DLG2: variants seen among roughly 807,000 people sequenced by gnomAD.
DLG2 encodes the protein disks large homolog 2.
DLG2 carries 45 observed loss-of-function variants against 132.5 expected under a neutral mutation model. The observed-to-expected ratio is 0.34, with a 90% confidence interval of 0.27 to 0.44. DLG2 has a LOEUF of 0.44. DLG2 is among the 20% of genes least tolerant of loss of function. DLG2 has a pLI of 1.00. For missense variants in DLG2, 1,045 were observed against 1,196.9 expected (o/e 0.87, Z 1.87); for synonymous variants, 424 against 419.6 (o/e 1.01, Z -0.13).
intron 7 of DLG2, among the ~76,000 whole-genome samples, chr11:84,481,541 C>T (rs1270690041): frequency 6.6e-6 from 1 of 152,156 alleles, no homozygotes; most frequent in Admixed American, 6.5e-5. Context: ...CGTAGTATCA[C>T]ACATATAATT....
At chr11:84,680,961 C>T (rs1391480798) in intron 6 of DLG2, among the ~76,000 whole-genome samples, 1 of 152,156 alleles carries the variant, frequency 6.6e-6, no homozygotes, top group Non-Finnish European at 1.5e-5. Flanking sequence ...ATTTACTCAA[C>T]AAACATTTAT....
intron 7 of DLG2, among the ~76,000 whole-genome samples, chr11:84,410,637 T>C (rs1045065782): frequency 3.4e-5 from 5 of 145,230 alleles, no homozygotes; most frequent in African/African-American, 1.3e-4. Flanking sequence ...TGGAGTGCAA[T>C]GGTGTGATCT....
At chr11:84,473,056 T>C (rs1034262370) in intron 7 of DLG2, among the ~76,000 whole-genome samples, 9 of 151,924 alleles carry the variant, frequency 5.9e-5, no homozygotes. Context: ...TCTAATCTCC[T>C]TAATTTACAA....
intron 3 of DLG2, among the ~76,000 whole-genome samples, chr11:85,592,095 T>A (rs2079393518): frequency 6.6e-6 from 1 of 152,178 alleles, no homozygotes; most frequent in African/African-American, 2.4e-5. Flanking sequence ...AAAAATTTAG[T>A]CCTCCACTAT....
intron 14 of DLG2, among the ~76,000 whole-genome samples, chr11:83,947,474 G>A (rs928056765): frequency 6.6e-6 from 1 of 152,138 alleles, no homozygotes; most frequent in East Asian, 1.9e-4. Context: ...TAGGCTAGCT[G>A]TAAGAGTGTT....
At chr11:84,174,303 A>C (rs1226635605) in intron 8 of DLG2, among the ~76,000 whole-genome samples, 1 of 151,942 alleles carries the variant, frequency 6.6e-6, no homozygotes, top group Non-Finnish European at 1.5e-5. Context: ...TCTATTCTTC[A>C]TATCCTTTGA....
chr11:84,195,974 T>A (rs1486264040), intron 8 of DLG2, among the ~76,000 whole-genome samples: 2 of 152,194 alleles, frequency 1.3e-5, no homozygotes, highest in South Asian at 4.1e-4. Context: ...TGTATACATG[T>A]TGGATGAGGA....
At chr11:84,056,494 G>A (rs1469204130) in intron 11 of DLG2, among the ~76,000 whole-genome samples, 1 of 152,120 alleles carries the variant, frequency 6.6e-6, no homozygotes, top group Non-Finnish European at 1.5e-5. Flanking sequence ...TTGACTTCAA[G>A]TGCATCTCTC....
intron 18 of DLG2, among the ~76,000 whole-genome samples, chr11:83,779,080 A>C (rs2094703152): frequency 6.6e-6 from 1 of 152,164 alleles, no homozygotes; most frequent in African/African-American, 2.4e-5. Context: ...CTAATATTTC[A>C]GTACAAATTA....
At chr11:84,653,084 C>T (rs1565568102) in intron 6 of DLG2, among the ~76,000 whole-genome samples, 1 of 152,054 alleles carries the variant, frequency 6.6e-6, no homozygotes. Flanking sequence ...CATGCGTCAT[C>T]ACGCCCGGAT....
At chr11:83,923,614 G>A (rs1370517399) in intron 15 of DLG2, among the ~76,000 whole-genome samples, 1 of 152,044 alleles carries the variant, frequency 6.6e-6, no homozygotes, top group East Asian at 1.9e-4. Flanking sequence ...CAGGGGCAAA[G>A]AATCACCCTC....
chr11:84,360,670 G>C (rs1238387630), intron 7 of DLG2, among the ~76,000 whole-genome samples: 1 of 151,856 alleles, frequency 6.6e-6, no homozygotes, highest in African/African-American at 2.4e-5. Flanking sequence ...GGTAGAATTT[G>C]TGGTCAGAAT....
At position 84,059,433 on chromosome 11, in the gene DLG2, G is replaced by T; in HGVS notation, c.801C>A (p.Ser267=). 6.2e-7 allele frequency: 1 copy of T among 1,612,772 alleles called. No individual in the cohort carries two copies. The highest frequency in any genetic ancestry group is 1.1e-5 in the South Asian group (1 of 90,828). ...TCAGGGCTTCCACCGCTTTACTGTG[G>T]GAAACCTCTGACACATCAACCTCAT... ...RVNEVDVSEV[S]HSKAVEALKE... The change falls in exon 11 of 28, where the codon TCC becomes TCA. Residue 267 remains serine, a synonymous_variant. Transcript: ENST00000376104.
At chr11:83,685,158 A>G (rs1014928932) in intron 18 of DLG2, among the ~76,000 whole-genome samples, 2 of 152,192 alleles carry the variant, frequency 1.3e-5, no homozygotes, top group African/African-American at 2.4e-5. Context: ...TAGAAAGGTT[A>G]GGTAACTTAC....
chr11:85,527,091 T>C (rs747975484), intron 3 of DLG2, among the ~76,000 whole-genome samples: 2 of 152,106 alleles, frequency 1.3e-5, no homozygotes, highest in Non-Finnish European at 1.5e-5. Context: ...ACAAAGAAGA[T>C]GTTCAAATTA....
chr11:84,915,733 A>G (rs969512429), intron 6 of DLG2, among the ~76,000 whole-genome samples: 1 of 152,206 alleles, frequency 6.6e-6, no homozygotes, highest in African/African-American at 2.4e-5. Context: ...TTGTGCATCT[A>G]TTCTTATTTG....
chr11:84,863,297 T>C lies in DLG2; in HGVS notation c.357+248364A>G, dbSNP rs553282651. Among the ~76,000 whole-genome samples, 732 of 152,190 alleles carry C rather than the reference T, an allele frequency of 4.8e-3. 3 individuals carry two copies. Among genetic ancestry groups the C allele is most frequent in the South Asian group, 0.013 (64 of 4,824 alleles). On this transcript the variant is annotated intron_variant, in intron 6 of 27. Coordinates refer to ENST00000376104, the MANE Select transcript of DLG2 (RefSeq NM_001142699.3). ...GCCATTTAGATCTTTACTATGGCTG[T>C]CCTTTCCATCTTAAATTCCCTATTT...
chr11:84,542,128 T>G (rs1591953238), intron 6 of DLG2, among the ~76,000 whole-genome samples: 1 of 146,934 alleles, frequency 6.8e-6, no homozygotes. Flanking sequence ...ACAGTACTGA[T>G]GAGAGAGAGA....
chr11:84,839,314 C>T (rs922849988), intron 6 of DLG2, among the ~76,000 whole-genome samples: 3 of 152,086 alleles, frequency 2.0e-5, no homozygotes, highest in Non-Finnish European at 2.9e-5. Flanking sequence ...TCAAGGAGAA[C>T]TACAAACCAC....
Sources: allele counts gnomAD v4.1 joint callset (sites outside exome capture counted in the v4.1 genomes callset), GRCh38; gene constraint gnomAD v4.1.1; transcripts MANE v1.5; gene names NCBI Gene and HGNC (gene_info 2026-07-23, HGNC 2026-07-21).